IRS1: variants seen among roughly 807,000 people sequenced by gnomAD.
IRS1 encodes insulin receptor substrate 1.
In IRS1, 34 loss-of-function variants were observed where a neutral mutation model predicts 65.6. The ratio of observed to expected loss-of-function variants is 0.52; its 90% confidence interval spans 0.39 to 0.69. IRS1 has a LOEUF of 0.69. IRS1 is among the 30% of genes least tolerant of loss of function. The pLI is 0.00. For synonymous variants in IRS1, 699 were observed against 683.5 expected (o/e 1.02, Z -0.35); for missense variants, 1,641 against 1,720.2 (o/e 0.95, Z 0.81).
At chr2:226,751,323 G>T (rs557393837) in intron 1 of IRS1, among the ~76,000 whole-genome samples, 1 of 119,744 alleles carries the variant, frequency 8.4e-6, no homozygotes, top group Non-Finnish European at 1.6e-5. Flanking sequence ...TCGCTTTGTC[G>T]CCCAGGCTGG....
At chr2:226,748,204 G>A (rs1938594553) in intron 1 of IRS1, among the ~76,000 whole-genome samples, 1 of 151,122 alleles carries the variant, frequency 6.6e-6, no homozygotes, top group South Asian at 2.1e-4. Flanking sequence ...AAGGAGGGCA[G>A]ATCACATGAG....
intron 1 of IRS1, among the ~76,000 whole-genome samples, chr2:226,771,566 TGTA>T (rs1443525572): frequency 1.3e-5 from 2 of 152,146 alleles, no homozygotes; most frequent in African/African-American, 4.8e-5. Context: ...GCATGGATTA[TGTA>T]AATTGTTGTA....
In IRS1 at chr2:226,763,521, T is replaced by C. The variant is rs555850598; in HGVS notation, c.*22-27271A>G. ...ACGAGCAATCCAGGGAGCTTGAATT[T>C]CAAGGCTATTTTTTAAAAGATGCCA... On this transcript the variant is annotated intron_variant, in intron 1 of 1. Coordinates refer to ENST00000305123, the MANE Select transcript of IRS1 (RefSeq NM_005544.3). Among the ~76,000 whole-genome samples the C allele has an allele frequency of 2.0e-5, 3 of 152,294 alleles. No homozygotes were observed. In the South Asian group the frequency reaches 6.2e-4, roughly 32 times the overall value.
chr2:226,773,056 A>C (rs1939194140), intron 1 of IRS1, among the ~76,000 whole-genome samples: 1 of 152,210 alleles, frequency 6.6e-6, no homozygotes, highest in African/African-American at 2.4e-5. Context: ...AAGCAAAATC[A>C]AACAGCCACA....
chr2:226,793,295 G>A (rs1259795808), intron 1 of IRS1, among the ~76,000 whole-genome samples: 1 of 152,056 alleles, frequency 6.6e-6, no homozygotes, highest in African/African-American at 2.4e-5. Flanking sequence ...TGCTGGGCTG[G>A]TTTTCTTCAA....
At chr2:226,750,181 G>A (rs374151066) in intron 1 of IRS1, among the ~76,000 whole-genome samples, 34 of 151,296 alleles carry the variant, frequency 2.2e-4, no homozygotes, top group African/African-American at 5.6e-4. Context: ...CCCAGGAGGC[G>A]GAGGTTGCAG....
chr2:226,751,048 C>T (rs933203905), intron 1 of IRS1, among the ~76,000 whole-genome samples: 1 of 152,048 alleles, frequency 6.6e-6, no homozygotes, highest in African/African-American at 2.4e-5. Flanking sequence ...GAGGCTACAC[C>T]ACAAGCCATG....
In IRS1 at chr2:226,734,717, T is replaced by C. The variant is rs1938293837; in HGVS notation, c.*1555A>G. 1 of 152,210 alleles carries C rather than the reference T, an allele frequency of 6.6e-6. No individual in the cohort carries two copies. Among genetic ancestry groups the C allele is most frequent in the African/African-American group, 2.4e-5 (1 of 41,460 alleles). The allele number at this position is 152,210 out of a possible 1,614,324, so 9.4% of individuals were successfully genotyped here. A position where few individuals can be genotyped will look rare whatever the true frequency, so the allele number is the denominator to read the frequency against. Reference sequence around the variant, plus strand: ...ATTAATTCATTTAACCTTTAGGAAGTTTCCTGGTAAAAAGATTTAAAAATC... The same window carrying C: ...ATTAATTCATTTAACCTTTAGGAAGCTTCCTGGTAAAAAGATTTAAAAATC... On this transcript the variant is annotated 3_prime_UTR_variant, in exon 2 of 2. Transcript: ENST00000305123.
At chr2:226,766,530 TCAA>T (rs1300482559) in intron 1 of IRS1, among the ~76,000 whole-genome samples, 1 of 152,106 alleles carries the variant, frequency 6.6e-6, no homozygotes, top group Non-Finnish European at 1.5e-5. Flanking sequence ...ATTTGTTTCT[TCAA>T]CAGTTGACTC....
intron 1 of IRS1, among the ~76,000 whole-genome samples, chr2:226,783,670 C>G (rs934741682): frequency 6.6e-6 from 1 of 152,172 alleles, no homozygotes; most frequent in Non-Finnish European, 1.5e-5. Context: ...GTTCAACATG[C>G]AGTTGATAAA....
Position 226,795,607 on chromosome 2 carries a change from C to A in IRS1, c.3132G>T (p.Pro1044=). The change falls in exon 1 of 2, where the codon CCG becomes CCT. Residue 1044 remains proline, a synonymous_variant. Transcript: ENST00000305123. The part of the protein sequence containing the change: ...ASSSSAASAS[P]TGPQGAAELA... ...GCTCTGCTGCCCCTTGAGGCCCAGT[C>A]GGGGAAGCAGAGGCTGCTGAGGATG... 1.2e-6 allele frequency: 2 copies of A among 1,612,430 alleles called. No individual in the cohort carries two copies. Among genetic ancestry groups the A allele is most frequent in the South Asian group, 1.1e-5 (1 of 91,058 alleles).
chr2:226,764,310 G>A (rs1938983441), intron 1 of IRS1, among the ~76,000 whole-genome samples: 1 of 151,076 alleles, frequency 6.6e-6, no homozygotes, highest in African/African-American at 2.5e-5. Context: ...TTGGGAGGTC[G>A]AGGTGGGAGA....
chr2:226,772,676 G>GAAAAAA (rs1939187289), intron 1 of IRS1, among the ~76,000 whole-genome samples: 1 of 116,238 alleles, frequency 8.6e-6, no homozygotes, highest in African/African-American at 4.1e-5. Flanking sequence ...TACATGGACA[G>GAAAAAA]TAAAAAAAAA....
chr2:226,760,321 A>G (rs1398375895), intron 1 of IRS1, among the ~76,000 whole-genome samples: 2 of 152,226 alleles, frequency 1.3e-5, no homozygotes, highest in Non-Finnish European at 2.9e-5. Flanking sequence ...AAGTGGCTTT[A>G]CTAAAATGTT....
chr2:226,738,843 A>G (rs1938382853), intron 1 of IRS1, among the ~76,000 whole-genome samples: 1 of 152,178 alleles, frequency 6.6e-6, no homozygotes, highest in South Asian at 2.1e-4. Context: ...AAACAAACAA[A>G]CTGCCGAACA....
At chr2:226,748,545 A>G (rs1938605536) in intron 1 of IRS1, among the ~76,000 whole-genome samples, 2 of 152,092 alleles carry the variant, frequency 1.3e-5, no homozygotes. Flanking sequence ...CACTAAATTT[A>G]TTCTCTAAGA....
At chr2:226,757,620 C>T (rs1245053798) in intron 1 of IRS1, among the ~76,000 whole-genome samples, 2 of 152,152 alleles carry the variant, frequency 1.3e-5, no homozygotes, top group Non-Finnish European at 2.9e-5. Flanking sequence ...TCCCTCCTGA[C>T]ATCTCTCATC....
At chr2:226,759,534 T>C (rs1398327443) in intron 1 of IRS1, among the ~76,000 whole-genome samples, 1 of 152,192 alleles carries the variant, frequency 6.6e-6, no homozygotes, top group Non-Finnish European at 1.5e-5. Flanking sequence ...TCCTATCATA[T>C]AGTAACAGTT....
At chr2:226,744,320 T>A (rs575755475) in intron 1 of IRS1, among the ~76,000 whole-genome samples, 1 of 152,288 alleles carries the variant, frequency 6.6e-6, no homozygotes, top group Admixed American at 6.5e-5. Flanking sequence ...ACAAGCATCT[T>A]CCAAAACAAC....
Sources: gnomAD v4.1 joint callset for allele counts (sites outside exome capture counted in the v4.1 genomes callset) on GRCh38, gnomAD v4.1.1 for gene constraint, MANE v1.5 for transcripts, NCBI Gene and HGNC (gene_info 2026-07-23, HGNC 2026-07-21) for gene names.